DOCK2: variants seen among roughly 807,000 people sequenced by gnomAD.
The protein encoded by DOCK2 is dedicator of cytokinesis 2, also known as dedicator of cytokinesis protein 2.
A neutral mutation model predicts 248.9 loss-of-function variants in DOCK2; 87 were observed. The observed-to-expected ratio is 0.35, with a 90% CI of 0.29 to 0.42. The LOEUF is 0.42. DOCK2 is among the 10% of genes least tolerant of loss of function. DOCK2 has a pLI of 1.00. For missense variants in DOCK2, 1,747 were observed against 2,300.2 expected (o/e 0.76, Z 4.92); for synonymous variants, 805 against 821.6 (o/e 0.98, Z 0.35).
chr5:169,681,591 G>A (rs1759671359), intron 6 of DOCK2, 153 bp from the exon 7 acceptor site: 1 of 855,994 alleles, frequency 1.2e-6, no homozygotes, highest in East Asian at 2.6e-5. Flanking sequence ...ACCAATATGT[G>A]CTCACTAGCA....
rs566483952 is a variant in DOCK2 at position 169,998,113 on chromosome 5, CCA to C, written c.3072+1952_3072+1953del. Reference sequence around the variant, plus strand: ...TCCCTGAGGATCACCCCCACTCACTCCACAGTCATTATGCAAAACCATGTGGC... The same window carrying C: ...TCCCTGAGGATCACCCCCACTCACTCCAGTCATTATGCAAAACCATGTGGC... On this transcript the variant is annotated intron_variant, in intron 30 of 51. Transcript: ENST00000520908. 127 of 452,668 alleles carry C rather than the reference CCA, an allele frequency of 2.8e-4. No homozygotes were observed. In the East Asian group the frequency reaches 3.3e-3, roughly 12 times the overall value. 28.0% of individuals were successfully genotyped at this position (452,668 alleles called of 1,614,324 possible). A position where few individuals can be genotyped will look rare whatever the true frequency, so the allele number is the denominator to read the frequency against.
At chr5:169,733,780 A>G (rs1762904342) in intron 22 of DOCK2, among the ~76,000 whole-genome samples, 1 of 152,044 alleles carries the variant, frequency 6.6e-6, no homozygotes, top group Non-Finnish European at 1.5e-5. Context: ...TTGTTTCTTT[A>G]TAGGCATTCT....
intron 46 of DOCK2, among the ~76,000 whole-genome samples, chr5:170,073,299 A>G (rs1300126501): frequency 6.6e-6 from 1 of 151,788 alleles, no homozygotes; most frequent in Non-Finnish European, 1.5e-5. Flanking sequence ...TCTATTCTGG[A>G]CTTTCTATTC....
At chr5:169,873,390 T>C (rs1385939305) in intron 27 of DOCK2, among the ~76,000 whole-genome samples, 4 of 152,254 alleles carry the variant, frequency 2.6e-5, no homozygotes, top group Non-Finnish European at 5.9e-5. Flanking sequence ...GTTTTGGAGA[T>C]GCTCGAGGGC....
At chr5:170,058,133 A>G (rs1757202377) in intron 44 of DOCK2, among the ~76,000 whole-genome samples, 1 of 152,226 alleles carries the variant, frequency 6.6e-6, no homozygotes, top group Non-Finnish European at 1.5e-5. Context: ...TCCCTTGTGC[A>G]GATAACACCT....
At chr5:169,641,631 C>G (rs111860812) in intron 1 of DOCK2, among the ~76,000 whole-genome samples, 1 of 152,150 alleles carries the variant, frequency 6.6e-6, no homozygotes, top group African/African-American at 2.4e-5. Flanking sequence ...AGCCAGGCCT[C>G]GGAAAGGGCT....
Position 169,678,292 on chromosome 5 carries a change from T to C in DOCK2, c.471-3452T>C, listed in dbSNP as rs1451452926. ...AAGTTTTTGTTTTTTTTTTTCTTTTTTGAGACAGAGTCTCGATCTGTCACC... is the reference window on the plus strand; with the variant it reads ...AAGTTTTTGTTTTTTTTTTTCTTTTCTGAGACAGAGTCTCGATCTGTCACC... On this transcript the variant is annotated intron_variant, in intron 6 of 51. Transcript: ENST00000520908. 7.2e-5 allele frequency among the ~76,000 whole-genome samples: 11 copies of C among 152,270 alleles called. 1 individual carries two copies. The highest frequency in any genetic ancestry group is 1.9e-4 in the African/African-American group (8 of 41,566).
intron 31 of DOCK2, 31 bp downstream of exon 31, chr5:170,008,628 G>A: frequency 6.2e-7 from 1 of 1,614,016 alleles, no homozygotes; most frequent in Admixed American, 1.7e-5. Context: ...TCCTGAAGAG[G>A]GGGAGGTCCA....
chr5:170,004,238 GAT>G (rs779026597), intron 30 of DOCK2, among the ~76,000 whole-genome samples: 7 of 152,166 alleles, frequency 4.6e-5, no homozygotes, highest in Non-Finnish European at 7.3e-5. Flanking sequence ...ATTATTCAAT[GAT>G]AAAAAAATGA....
At chr5:169,937,104 C>T (rs1392890375) in intron 27 of DOCK2, among the ~76,000 whole-genome samples, 1 of 152,178 alleles carries the variant, frequency 6.6e-6, no homozygotes, top group Non-Finnish European at 1.5e-5. Context: ...AACTTCCAGC[C>T]AGCTGCCTGT....
intron 30 of DOCK2, chr5:170,000,295 T>A (rs770817094): frequency 1.3e-5 from 2 of 152,212 alleles, no homozygotes; most frequent in Non-Finnish European, 2.9e-5. Flanking sequence ...TTATTGGGCA[T>A]CTACTTAGAA....
intron 27 of DOCK2, among the ~76,000 whole-genome samples, chr5:169,971,025 G>A (rs1777484878): frequency 1.3e-5 from 2 of 152,140 alleles, no homozygotes; most frequent in East Asian, 1.9e-4. Flanking sequence ...ATGCCAAGCT[G>A]CTGTGTCACC....
intron 27 of DOCK2, among the ~76,000 whole-genome samples, chr5:169,960,419 CTT>C (rs1777037294): frequency 6.6e-6 from 1 of 152,098 alleles, no homozygotes; most frequent in African/African-American, 2.4e-5. Flanking sequence ...ATTAATATGT[CTT>C]GTTTTTCAGC....
chr5:169,797,710 A>T (rs1766738881), intron 25 of DOCK2, among the ~76,000 whole-genome samples: 1 of 152,170 alleles, frequency 6.6e-6, no homozygotes, highest in South Asian at 2.1e-4. Context: ...TAAGGCAGGA[A>T]CCCAGCCTGG....
At chr5:169,779,703 C>T (rs1203525835) in intron 25 of DOCK2, among the ~76,000 whole-genome samples, 1 of 152,140 alleles carries the variant, frequency 6.6e-6, no homozygotes, top group Non-Finnish European at 1.5e-5. Context: ...CCCACCCCAC[C>T]CCCGCATCAT....
chr5:169,727,277 A>G (rs1241185502), intron 22 of DOCK2, among the ~76,000 whole-genome samples: 2 of 152,176 alleles, frequency 1.3e-5, no homozygotes, highest in Non-Finnish European at 2.9e-5. Context: ...GCTGCAAAGC[A>G]TAGGTATTAT....
chr5:169,654,279 G>A, intron 1 of DOCK2, 124 bp from the exon 2 acceptor site: 13 of 990,382 alleles, frequency 1.3e-5, no homozygotes, highest in Non-Finnish European at 2.0e-5. Context: ...TTTCTGTGTT[G>A]GTTTTGTTTA....
chr5:170,041,145 G>C lies in DOCK2; in HGVS notation c.3756G>C (p.Lys1252Asn). ...TCCTTCTCCACACCTGGCTTCTCAA[G>C]GTACAGTCACTTTGGGTGAAGGGCA... ...YTLLLHTWLL[K>N]WSDEQCASQV... Residue 1252 changes from lysine (K) to asparagine (N), a missense_variant and splice_region_variant, in exon 37 of 52, where the codon AAG (lysine) becomes AAC (asparagine). Coordinates refer to ENST00000520908, the MANE Select transcript of DOCK2 (RefSeq NM_004946.3). 6.2e-7 allele frequency: 1 copy of C among 1,613,418 alleles called. No homozygotes were observed. Among genetic ancestry groups the C allele is most frequent in the Non-Finnish European group, 8.5e-7 (1 of 1,179,398 alleles).
intron 20 of DOCK2, 21 bp from the exon 21 acceptor site, chr5:169,717,363 G>A: frequency 6.2e-7 from 1 of 1,607,980 alleles, no homozygotes; most frequent in Non-Finnish European, 8.5e-7. Context: ...TGAAAATACT[G>A]CTGCCTTGCA....
Sources: gnomAD v4.1 joint callset for allele counts (sites outside exome capture counted in the v4.1 genomes callset) on GRCh38, gnomAD v4.1.1 for gene constraint, MANE v1.5 for transcripts, NCBI Gene and HGNC (gene_info 2026-07-23, HGNC 2026-07-21) for gene names.